The following LINS1 variants were observed in gnomAD, a reference collection of about 807,000 sequenced individuals.
LINS1 encodes the protein protein Lines homolog 1.
A neutral mutation model predicts 41.6 loss-of-function variants in LINS1; 27 were observed. That is an observed-to-expected ratio of 0.65 (90% CI 0.48 to 0.89). The LOEUF is 0.89. Ranked by LOEUF, LINS1 falls within the 40% of genes least tolerant of loss-of-function variation. The pLI is 0.00. For synonymous variants in LINS1, 336 were observed against 312.9 expected (o/e 1.07, Z -0.78); for missense variants, 955 against 884.1 (o/e 1.08, Z -1.02).
chr15:100,569,477 A>AT lies in LINS1; in HGVS notation c.2034dup (p.Ser679IlefsTer10). The AT allele has an allele frequency of 6.2e-7, 1 of 1,614,222 alleles. No homozygotes were observed. Among genetic ancestry groups the AT allele is most frequent in the Non-Finnish European group, 8.5e-7 (1 of 1,180,024 alleles). ...AATTCTTTCAGAACCAGAGGCCTTG[A>AT]TGGAGGCTCAAGGCTAAATTCTTTT... On this transcript the variant is annotated frameshift_variant, in exon 7 of 7. Coordinates refer to ENST00000314742, the MANE Select transcript of LINS1 (RefSeq NM_001040616.3). LOFTEE classifies it low-confidence loss of function (END_TRUNC).
rs1021694249 is a variant in LINS1, at chr15:100,601,736, A to T, written c.-104+385T>A. On this transcript the variant is annotated intron_variant, in intron 1 of 6. Coordinates refer to ENST00000314742, the MANE Select transcript of LINS1 (RefSeq NM_001040616.3). ...GCCAGTAAACACTTGCTAATGAATA[A>T]AGTGCTTAACAAACGTGTCTTGATC... Among the ~76,000 whole-genome samples the T allele has an allele frequency of 2.0e-4, 30 of 152,142 alleles. No homozygotes were observed. In the Middle Eastern group the frequency reaches 0.01, roughly 52 times the overall value.
chr15:100,573,517 T>A, intron 5 of LINS1, 134 bp downstream of exon 5: 1 of 725,102 alleles, frequency 1.4e-6, no homozygotes, highest in Non-Finnish European at 2.1e-6. Context: ...TTTGAAAATG[T>A]AATAAGTTAC....
intron 1 of LINS1, among the ~76,000 whole-genome samples, chr15:100,594,986 G>C (rs1422346490): frequency 6.6e-6 from 1 of 152,108 alleles, no homozygotes; most frequent in African/African-American, 2.4e-5. Flanking sequence ...CCACATTAAA[G>C]GCACTGTGAA....
intron 1 of LINS1, among the ~76,000 whole-genome samples, chr15:100,588,574 T>C (rs576622104): frequency 1.3e-5 from 2 of 152,368 alleles, no homozygotes; most frequent in South Asian, 2.1e-4. Flanking sequence ...GTCTAAATTA[T>C]GCAGGTCAGA....
chr15:100,601,446 C>A (rs1399706298), intron 1 of LINS1, among the ~76,000 whole-genome samples: 1 of 152,154 alleles, frequency 6.6e-6, no homozygotes, highest in Non-Finnish European at 1.5e-5. Flanking sequence ...GAAGACAGAA[C>A]CCTCACGGTC....
intron 1 of LINS1, chr15:100,586,181 A>C (rs1313493328): frequency 6.6e-6 from 1 of 152,068 alleles, no homozygotes; most frequent in African/African-American, 2.4e-5. Context: ...TAGAAAGGCT[A>C]ATCAGAAACT....
In LINS1 at chr15:100,569,485, T is replaced by C. The variant is rs150348863; in HGVS notation, c.2027A>G (p.Glu676Gly). 1.8e-4 allele frequency: 286 copies of C among 1,614,196 alleles called. 3 individuals are homozygous for C. In the African/African-American group the frequency reaches 3.2e-3, roughly 18 times the overall value. Residue 676 changes from glutamate (E) to glycine (G), a missense_variant, in exon 7 of 7, where the codon GAG becomes GGG. Physicochemically the swap from Glu to Gly is moderately conservative, Grantham distance 98. Coordinates refer to ENST00000314742, the MANE Select transcript of LINS1 (RefSeq NM_001040616.3). ...TSRDKKEFSLEPPSRPLVLKE... is the reference protein window; with the variant it reads ...TSRDKKEFSLGPPSRPLVLKE... The stretch of plus-strand genomic sequence containing the variant: ...CAGAACCAGAGGCCTTGATGGAGGC[T>C]CAAGGCTAAATTCTTTTTTATCCCT...
chr15:100,573,224 G>C, intron 5 of LINS1: 1 of 283,010 alleles, frequency 3.5e-6, no homozygotes, highest in Non-Finnish European at 5.5e-6. Flanking sequence ...TCCCAGGCTA[G>C]GACCTCCCAG....
chr15:100,569,777 C>A lies in LINS1; in HGVS notation c.1735G>T (p.Ala579Ser), dbSNP rs1332980382. 4 of 1,613,906 alleles carry A rather than the reference C, an allele frequency of 2.5e-6. No individual in the cohort carries two copies. The highest frequency in any genetic ancestry group is 1.1e-5 in the South Asian group (1 of 91,028). The stretch of plus-strand genomic sequence containing the variant: ...CACACATCTCTGTGACTATGAGGAG[C>A]AGTCAAACGATGGGGTATTGTTTGG... The part of the protein sequence containing the change: ...SNQTIPHRLT[A>S]PHSHRDVCAR... The change falls in exon 7 of 7, where the codon GCT becomes TCT. Residue 579 changes from alanine to serine, a missense_variant. Ala to Ser is a moderately conservative substitution (Grantham distance 99). Coordinates refer to ENST00000314742, the MANE Select transcript of LINS1 (RefSeq NM_001040616.3).
rs56911211 is a variant in LINS1 at position 100,600,551 on chromosome 15, CAAAAAAA to C, written c.-104+1563_-104+1569del. ...TTTACATTGGAGTCCTGCTGTTAAG[CAAAAAAA>C]AAAAAAAAAAAAACAGGGAGAAATC... On this transcript the variant is annotated intron_variant, in intron 1 of 6. Coordinates refer to ENST00000314742, the MANE Select transcript of LINS1 (RefSeq NM_001040616.3). 7.7e-4 allele frequency among the ~76,000 whole-genome samples: 61 copies of C among 79,662 alleles called. 1 individual carries two copies. Among genetic ancestry groups the C allele is most frequent in the Admixed American group, 1.9e-3 (15 of 8,026 alleles). The allele number at this position is 79,662 out of a possible 152,430, so 52.3% of individuals were successfully genotyped here. A position where few individuals can be genotyped will look rare whatever the true frequency, so the allele number is the denominator to read the frequency against.
chr15:100,595,853 G>A (rs74039442), intron 1 of LINS1, among the ~76,000 whole-genome samples: 5,326 of 152,194 alleles, frequency 0.035, 277 homozygotes, highest in African/African-American at 0.12. Flanking sequence ...GACAACTGTC[G>A]CGGAAGTTGA....
Position 100,567,900 on chromosome 15 carries a change from C to T in LINS1, c.*1338G>A, listed in dbSNP as rs1244030240. On this transcript the variant is annotated 3_prime_UTR_variant, in exon 7 of 7. Coordinates refer to ENST00000314742, the MANE Select transcript of LINS1 (RefSeq NM_001040616.3). ...ACCTGAATTAAGTACTAAACTGTTT[C>T]GAATACCATAGCCTTAATATATATT... 6.6e-6 allele frequency: 1 copy of T among 152,092 alleles called. No individual in the cohort carries two copies. Among genetic ancestry groups the T allele is most frequent in the African/African-American group, 2.4e-5 (1 of 41,420 alleles). The allele number at this position is 152,092 out of a possible 1,614,324, so 9.4% of individuals were successfully genotyped here.
In LINS1 at chr15:100,567,339, G is replaced by A. The variant is rs1176083396; in HGVS notation, c.*1899C>T. On this transcript the variant is annotated 3_prime_UTR_variant, in exon 7 of 7. Transcript: ENST00000314742. ...TGTTATTGAAACATCCTAATGCAGT[G>A]CTGCATGTATCCCACTAAAAATAGT... The A allele has an allele frequency of 1.3e-5, 2 of 152,246 alleles. No homozygotes were observed. The highest frequency in any genetic ancestry group is 2.9e-5 in the Non-Finnish European group (2 of 68,028). The allele number at this position is 152,246 out of a possible 1,614,324, so 9.4% of individuals were successfully genotyped here.
At chr15:100,600,841 C>T (rs1466926434) in intron 1 of LINS1, among the ~76,000 whole-genome samples, 1 of 152,126 alleles carries the variant, frequency 6.6e-6, no homozygotes, top group Non-Finnish European at 1.5e-5. Flanking sequence ...TCCAGGCCCA[C>T]CCTACACCCA....
chr15:100,599,437 G>A (rs902353411), intron 1 of LINS1, among the ~76,000 whole-genome samples: 1 of 152,170 alleles, frequency 6.6e-6, no homozygotes. Flanking sequence ...ATTTGAAAAT[G>A]GTTGTTTAAC....
chr15:100,573,004 C>G (rs2037921548), intron 5 of LINS1: 3 of 184,214 alleles, frequency 1.6e-5, no homozygotes. Flanking sequence ...GACCCTGCCT[C>G]AAAATAAATA....
chr15:100,591,521 C>A (rs1325559587), intron 1 of LINS1, among the ~76,000 whole-genome samples: 1 of 152,208 alleles, frequency 6.6e-6, no homozygotes, highest in Non-Finnish European at 1.5e-5. Context: ...TAGGCCCCAA[C>A]AGACCAAACC....
chr15:100,569,189 T>C lies in LINS1; in HGVS notation c.*49A>G, dbSNP rs142897242. On this transcript the variant is annotated 3_prime_UTR_variant, in exon 7 of 7. Transcript: ENST00000314742. ...TTTATACTATTACCTCATTGAGACA[T>C]AATTTATATTAAGGAAAAACAATAC... is the stretch of plus-strand genomic sequence containing the variant. The C allele has an allele frequency of 3.2e-6, 4 of 1,247,326 alleles. No individual in the cohort carries two copies. In the Admixed American group the frequency reaches 5.4e-5, roughly 17 times the overall value. 77.3% of individuals were successfully genotyped at this position (1,247,326 alleles called of 1,614,324 possible).
chr15:100,573,746 C>A lies in LINS1; in HGVS notation c.1127G>T (p.Ser376Ile). ...EVQPECELIT[S>I]PDHVILRAAS... ...TGCTCTAAGGATCACATGATCTGGA[C>A]TAGTGATAAGTTCACATTCAGGTTG... is the stretch of plus-strand genomic sequence containing the variant. The change falls in exon 5 of 7, where the codon AGT (serine) becomes ATT (isoleucine). Residue 376 changes from serine (S) to isoleucine (I), a missense_variant. By Grantham distance (142) the Ser-to-Ile change is moderately radical (BLOSUM62 -2). Coordinates refer to ENST00000314742, the MANE Select transcript of LINS1 (RefSeq NM_001040616.3). 1 of 1,613,964 alleles carries A rather than the reference C, an allele frequency of 6.2e-7. No individual in the cohort carries two copies. Among genetic ancestry groups the A allele is most frequent in the Non-Finnish European group, 8.5e-7 (1 of 1,179,842 alleles).
Sources: allele counts gnomAD v4.1 joint callset (sites outside exome capture counted in the v4.1 genomes callset), GRCh38; gene constraint gnomAD v4.1.1; transcripts MANE v1.5; gene names NCBI Gene and HGNC (gene_info 2026-07-23, HGNC 2026-07-21).